Variants in RNF115 observed in about 807,000 individuals in gnomAD.
The protein encoded by RNF115 is E3 ubiquitin-protein ligase RNF115.
Under a neutral mutation model 39.2 loss-of-function variants are expected in RNF115, and 31 were observed. The ratio of observed to expected loss-of-function variants is 0.79; its 90% CI spans 0.59 to 1.07. RNF115 has a LOEUF of 1.07. Among genes scored for constraint, RNF115 ranks in the 50% least tolerant of loss-of-function variants. The pLI is 0.00. For missense variants in RNF115, 384 were observed against 381.7 expected, an observed-to-expected ratio of 1.01 and a Z score of -0.05; for synonymous variants, 124 against 131.0, an observed-to-expected ratio of 0.95 and a Z score of 0.37.
At chr1:145,754,082 A>G (rs879973486) in intron 4 of RNF115, among the ~76,000 whole-genome samples, 3 of 152,208 alleles carry the variant, frequency 2.0e-5, no homozygotes, top group Admixed American at 2.0e-4. Context: ...GCAATAGCCA[A>G]CATTAGACTT....
intron 3 of RNF115, among the ~76,000 whole-genome samples, chr1:145,775,769 G>A (rs1367650013): frequency 6.6e-6 from 1 of 151,998 alleles, no homozygotes; most frequent in East Asian, 1.9e-4. Context: ...AAGGCGGTGG[G>A]GGGGATCACT....
intron 7 of RNF115, among the ~76,000 whole-genome samples, chr1:145,748,774 A>C (rs1410250355): frequency 1.3e-5 from 2 of 151,650 alleles, no homozygotes; most frequent in African/African-American, 4.9e-5. Flanking sequence ...AAACCCACCT[A>C]CTCAGGAGGC....
At chr1:145,786,524 T>A (rs1187775161) in intron 2 of RNF115, among the ~76,000 whole-genome samples, 2 of 152,206 alleles carry the variant, frequency 1.3e-5, no homozygotes, top group African/African-American at 4.8e-5. Context: ...ACCTTTGATC[T>A]ACAAAGACAC....
chr1:145,750,227 G>C (rs930551641), intron 7 of RNF115, among the ~76,000 whole-genome samples, 180 bp downstream of exon 7: 1 of 152,128 alleles, frequency 6.6e-6, no homozygotes, highest in Non-Finnish European at 1.5e-5. Context: ...ACCCAGATAG[G>C]AATTTTAGAG....
intron 5 of RNF115, among the ~76,000 whole-genome samples, chr1:145,751,794 G>T (rs1658099229): frequency 6.6e-6 from 1 of 152,106 alleles, no homozygotes; most frequent in Non-Finnish European, 1.5e-5. Flanking sequence ...ATTGCCTGTT[G>T]GTTTCAAAAA....
Position 145,823,788 on chromosome 1 carries a change from A to G in RNF115, c.86T>C (p.Val29Ala). The G allele has an allele frequency of 6.3e-7, 1 of 1,581,748 alleles. No individual in the cohort carries two copies. The highest frequency in any genetic ancestry group is 8.6e-7 in the Non-Finnish European group (1 of 1,167,326). ...RFFCHFCKGE[V>A]SPKLPEYICP... ...CGCTCTTACCGGTAGTTTGGGGCTG[A>G]CCTCGCCCTTGCAAAAGTGGCAGAA... Residue 29 changes from valine to alanine, a missense_variant, in exon 1 of 9, where the codon GTC (valine) becomes GCC (alanine). Transcript: ENST00000582693.
intron 4 of RNF115, among the ~76,000 whole-genome samples, chr1:145,760,715 G>A (rs1037739099): frequency 6.6e-5 from 10 of 152,124 alleles, no homozygotes; most frequent in South Asian, 2.1e-4. Context: ...TATCAGCAGC[G>A]TGAAAATGGA....
chr1:145,818,295 C>T lies in RNF115; in HGVS notation c.102+5477G>A, dbSNP rs1650078776. Reference sequence around the variant, plus strand: ...AACTTTCTAATAATAGCTATTCTGACTGGTGTGAGATGGTATCTCGCTGTG... The same window carrying T: ...AACTTTCTAATAATAGCTATTCTGATTGGTGTGAGATGGTATCTCGCTGTG... On this transcript the variant is annotated intron_variant, in intron 1 of 8. Coordinates refer to ENST00000582693, the MANE Select transcript of RNF115 (RefSeq NM_014455.4). Among the ~76,000 whole-genome samples the T allele has an allele frequency of 2.0e-5, 3 of 151,926 alleles. No individual in the cohort carries two copies. The East Asian group carries it at 5.8e-4, about 29-fold the overall frequency.
At chr1:145,757,299 G>C (rs1658338072) in intron 4 of RNF115, among the ~76,000 whole-genome samples, 1 of 152,118 alleles carries the variant, frequency 6.6e-6, no homozygotes, top group Non-Finnish European at 1.5e-5. Flanking sequence ...CTTTTTGGGG[G>C]ACACAATTCT....
rs1189988006 is a variant in RNF115 at position 145,742,513 on chromosome 1, C to G, written c.*4353G>C. On this transcript the variant is annotated 3_prime_UTR_variant, in exon 9 of 9. Coordinates refer to ENST00000582693, the MANE Select transcript of RNF115 (RefSeq NM_014455.4). ...GGTACCAGCCCAAGCCAACAGTGCC[C>G]CATACCAGAGAACTCAGGGAAACAA... The G allele has an allele frequency of 6.6e-6, 1 of 152,118 alleles. No individual in the cohort carries two copies. The highest frequency in any genetic ancestry group is 2.4e-5 in the African/African-American group (1 of 41,374). 9.4% of individuals were successfully genotyped at this position (152,118 alleles called of 1,614,324 possible). A position where few individuals can be genotyped will look rare whatever the true frequency, so the allele number is the denominator to read the frequency against.
chr1:145,774,912 C>T (rs1216308844), intron 3 of RNF115, among the ~76,000 whole-genome samples: 1 of 151,946 alleles, frequency 6.6e-6, no homozygotes, highest in East Asian at 1.9e-4. Flanking sequence ...CCTTAGTATA[C>T]AGAAAATTTG....
intron 4 of RNF115, among the ~76,000 whole-genome samples, chr1:145,760,857 T>C (rs1658475345): frequency 6.6e-6 from 1 of 152,176 alleles, no homozygotes; most frequent in Admixed American, 6.5e-5. Flanking sequence ...CAAGAAAATG[T>C]GGGAAAATTT....
chr1:145,775,374 A>G (rs1571739167), intron 3 of RNF115, among the ~76,000 whole-genome samples: 2 of 152,082 alleles, frequency 1.3e-5, no homozygotes, highest in East Asian at 3.9e-4. Flanking sequence ...ATATATAATA[A>G]TAAAAGTTTT....
intron 5 of RNF115, among the ~76,000 whole-genome samples, chr1:145,751,976 T>C (rs1466969761): frequency 1.3e-5 from 2 of 152,118 alleles, no homozygotes; most frequent in African/African-American, 4.8e-5. Flanking sequence ...TAGCAGTCTC[T>C]CTGAATCACA....
intron 3 of RNF115, among the ~76,000 whole-genome samples, chr1:145,779,758 G>A (rs1417528934): frequency 6.6e-6 from 1 of 151,894 alleles, no homozygotes; most frequent in Admixed American, 6.6e-5. Context: ...CGCCTCCTGG[G>A]TTCAAGCGAT....
In RNF115 at chr1:145,776,902, G is replaced by A. The variant is rs113971264; in HGVS notation, c.220-4983C>T. Reference sequence around the variant, plus strand: ...CCTTTTCATTTTAACTGCCATTTGCGCTTCTTATCAAATCTGCCTTATTTC... The same window carrying A: ...CCTTTTCATTTTAACTGCCATTTGCACTTCTTATCAAATCTGCCTTATTTC... On this transcript the variant is annotated intron_variant, in intron 3 of 8. Transcript: ENST00000582693. 2.6e-3 allele frequency among the ~76,000 whole-genome samples: 400 copies of A among 152,208 alleles called. 6 individuals are homozygous for A. The South Asian group carries it at 0.032, about 12-fold the overall frequency.
chr1:145,791,590 C>T (rs1267464453), intron 1 of RNF115, among the ~76,000 whole-genome samples: 2 of 151,834 alleles, frequency 1.3e-5, no homozygotes, highest in African/African-American at 4.8e-5. Context: ...AACAATGAGG[C>T]AGTACAATAT....
chr1:145,778,525 G>A (rs1417548175), intron 3 of RNF115, among the ~76,000 whole-genome samples: 1 of 152,150 alleles, frequency 6.6e-6, no homozygotes, highest in Non-Finnish European at 1.5e-5. Flanking sequence ...ATAAAGATGA[G>A]TCAATTAAGG....
chr1:145,763,494 T>G (rs1460029966), intron 4 of RNF115, among the ~76,000 whole-genome samples: 1 of 152,220 alleles, frequency 6.6e-6, no homozygotes, highest in Admixed American at 6.5e-5. Flanking sequence ...GATCAGGAGT[T>G]CGAGACCAGC....
Sources: gnomAD v4.1 joint callset for allele counts (sites outside exome capture counted in the v4.1 genomes callset) on GRCh38, gnomAD v4.1.1 for gene constraint, MANE v1.5 for transcripts, NCBI Gene and HGNC (gene_info 2026-07-23, HGNC 2026-07-21) for gene names.